The following TSHZ1 variants were observed in gnomAD, a reference collection of about 807,000 sequenced individuals.
The protein encoded by TSHZ1 is teashirt homolog 1.
A neutral mutation model predicts 67.1 loss-of-function variants in TSHZ1; 12 were observed. That is an observed-to-expected ratio of 0.18 (90% confidence interval 0.11 to 0.29). The LOEUF is 0.29. Ranked by LOEUF, TSHZ1 falls within the 10% of genes least tolerant of loss-of-function variation. The pLI, the probability that TSHZ1 is intolerant of heterozygous loss-of-function variation, is 1.00. For missense variants in TSHZ1, 1,305 were observed against 1,413.9 expected, an observed-to-expected ratio of 0.92 and a Z score of 1.23; for synonymous variants, 632 against 622.4, an observed-to-expected ratio of 1.02 and a Z score of -0.23.
chr18:75,285,559 C>A lies in TSHZ1; in HGVS notation c.152C>A (p.Thr51Lys). ...QESEYMCNEE[T>K]EIKEAQSYQN... Reference sequence around the variant, plus strand: ...AGTGAGTACATGTGCAATGAAGAGACGGAGATCAAAGAGGCGCAGAGCTAC... The same window carrying A: ...AGTGAGTACATGTGCAATGAAGAGAAGGAGATCAAAGAGGCGCAGAGCTAC... The change falls in exon 2 of 2, where the codon ACG becomes AAG. Residue 51 changes from threonine (T) to lysine (K), a missense_variant. This residue lies in a region of TSHZ1 where 358 missense variants were observed against 375.6 expected (regional missense o/e 0.95). Coordinates refer to ENST00000580243, the MANE Select transcript of TSHZ1 (RefSeq NM_001308210.2). The A allele has an allele frequency of 6.3e-7, 1 of 1,589,504 alleles. No homozygotes were observed. The highest frequency in any genetic ancestry group is 8.6e-7 in the Non-Finnish European group (1 of 1,162,974).
At chr18:75,222,534 G>C (rs1240825300) in intron 1 of TSHZ1, among the ~76,000 whole-genome samples, 1 of 152,004 alleles carries the variant, frequency 6.6e-6, no homozygotes, top group Non-Finnish European at 1.5e-5. Context: ...GAATGGGGTC[G>C]AGGGATGGTC....
intron 1 of TSHZ1, among the ~76,000 whole-genome samples, chr18:75,260,950 CA>C (rs2023422562): frequency 6.6e-6 from 1 of 152,068 alleles, no homozygotes; most frequent in Non-Finnish European, 1.5e-5. Context: ...GGACATTTCT[CA>C]ATCCATGGGA....
chr18:75,218,394 G>C (rs544899326), intron 1 of TSHZ1, among the ~76,000 whole-genome samples: 1 of 152,316 alleles, frequency 6.6e-6, no homozygotes, highest in East Asian at 1.9e-4. Context: ...TGTGCTAATC[G>C]ATAACTAGTG....
In TSHZ1 at chr18:75,286,506, C is replaced by T. The variant is rs1262731889; in HGVS notation, c.1099C>T (p.Pro367Ser). Reference protein sequence around the residue: ...QDLAPPCSPEPAGMAAEVALS... With the variant: ...QDLAPPCSPESAGMAAEVALS... ...CCTGGCGCCCCCCTGCTCCCCTGAG[C>T]CAGCAGGAATGGCCGCAGAGGTGGC... Residue 367 changes from proline (P) to serine (S), a missense_variant, in exon 2 of 2, where the codon CCA (proline) becomes TCA (serine). Pro to Ser is a moderately conservative substitution (Grantham distance 74). This residue lies in a region of TSHZ1 where 909 missense variants were observed against 961.8 expected (regional missense o/e 0.95). Coordinates refer to ENST00000580243, the MANE Select transcript of TSHZ1 (RefSeq NM_001308210.2). The surrounding 1 kb of genome is among the most constrained non-coding windows in gnomAD (Gnocchi z 5.1). 6.2e-7 allele frequency: 1 copy of T among 1,614,222 alleles called. No homozygotes were observed. The highest frequency in any genetic ancestry group is 1.3e-5 in the African/African-American group (1 of 75,070).
intron 1 of TSHZ1, among the ~76,000 whole-genome samples, chr18:75,215,859 C>T (rs1486663362): frequency 6.6e-6 from 1 of 152,170 alleles, no homozygotes; most frequent in Non-Finnish European, 1.5e-5. Context: ...CATGTATTTA[C>T]ATGTGTTCCT....
chr18:75,247,075 T>C (rs2023233480), intron 1 of TSHZ1, among the ~76,000 whole-genome samples: 1 of 152,242 alleles, frequency 6.6e-6, no homozygotes, highest in Admixed American at 6.5e-5. Context: ...CACCCAGATA[T>C]AATTTTCTGT....
chr18:75,231,548 T>C (rs1158189689), intron 1 of TSHZ1, among the ~76,000 whole-genome samples: 2 of 152,224 alleles, frequency 1.3e-5, no homozygotes, highest in East Asian at 3.8e-4. Flanking sequence ...TATTTATTTA[T>C]TTATTGATAC....
At chr18:75,224,850 T>C (rs879773297) in intron 1 of TSHZ1, among the ~76,000 whole-genome samples, 1 of 152,194 alleles carries the variant, frequency 6.6e-6, no homozygotes, top group Non-Finnish European at 1.5e-5. Context: ...AGCCTCAGTT[T>C]CCTTCTCTGT....
At chr18:75,251,493 G>GTTTT (rs3067027) in intron 1 of TSHZ1, among the ~76,000 whole-genome samples, 3,860 of 139,344 alleles carry the variant, frequency 0.028, 108 homozygotes, top group Admixed American at 0.078. Flanking sequence ...TTTCTTTAGG[G>GTTTT]TTTTTTTTTT....
In TSHZ1 at chr18:75,286,947, G is replaced by A. The variant is rs1208428607; in HGVS notation, c.1540G>A (p.Glu514Lys). The change falls in exon 2 of 2, where the codon GAG becomes AAG. Residue 514 changes from glutamate (E) to lysine (K), a missense_variant. Physicochemically the swap from Glu to Lys is moderately conservative, Grantham distance 56 (BLOSUM62 1). Transcript: ENST00000580243. This position sits in a 1 kb window ranked among gnomAD's most constrained non-coding sequence, Gnocchi z 5.1. ...GAAGCCGCCTGTGGCTGGCGACGCG[G>A]AGAAGATCAAGGAGGAGAGTGAGGA... ...KEKPPVAGDA[E>K]KIKEESEDSL... 3 of 1,614,182 alleles carry A rather than the reference G, an allele frequency of 1.9e-6. No homozygotes were observed. In the South Asian group the frequency reaches 3.3e-5, roughly 18 times the overall value.
chr18:75,258,524 C>A (rs1363622497), intron 1 of TSHZ1, among the ~76,000 whole-genome samples: 1 of 151,992 alleles, frequency 6.6e-6, no homozygotes, highest in Non-Finnish European at 1.5e-5. Flanking sequence ...ATAAAGATTT[C>A]TTTATTTGGG....
intron 1 of TSHZ1, among the ~76,000 whole-genome samples, chr18:75,223,415 C>T (rs1261628390): frequency 1.3e-5 from 2 of 152,094 alleles, no homozygotes; most frequent in South Asian, 2.1e-4. Context: ...CTGCAGGCAG[C>T]CTCCTCATTG....
At chr18:75,236,865 G>C (rs752008029) in intron 1 of TSHZ1, among the ~76,000 whole-genome samples, 1 of 152,154 alleles carries the variant, frequency 6.6e-6, no homozygotes, top group Non-Finnish European at 1.5e-5. Flanking sequence ...GATGTCATAA[G>C]GTTACAGGGT....
intron 1 of TSHZ1, among the ~76,000 whole-genome samples, chr18:75,265,089 C>A (rs1282564429): frequency 1.3e-5 from 2 of 152,168 alleles, no homozygotes; most frequent in Non-Finnish European, 2.9e-5. Flanking sequence ...TTGTTCAAAT[C>A]TTGGACCGTG....
Position 75,285,884 on chromosome 18 carries a change from A to G in TSHZ1, c.477A>G (p.Thr159=). ...AGGAGAGCTCCGCCCCCACCCCCAC[A>G]CCCCCCACCTGCCCCGTCAGCACCA... ...SQKESSAPTP[T]PPTCPVSTTG... Residue 159 remains threonine (T), a synonymous_variant, in exon 2 of 2, where the codon ACA becomes ACG. Transcript: ENST00000580243. 1.5e-6 allele frequency: 1 copy of G among 649,454 alleles called. No individual in the cohort carries two copies. Among genetic ancestry groups the G allele is most frequent in the Non-Finnish European group, 2.0e-6 (1 of 490,468 alleles). The allele number at this position is 649,454 out of a possible 1,614,324, so 40.2% of individuals were successfully genotyped here. A position where few individuals can be genotyped will look rare whatever the true frequency, so the allele number is the denominator to read the frequency against.
rs773462884 is a variant in TSHZ1 at position 75,286,544 on chromosome 18, A to G, written c.1137A>G (p.Ser379=). ...GMAAEVALSE[S]AKDQKAANPY... is the part of the protein sequence containing the mutation. Reference sequence around the variant, plus strand: ...CCGCAGAGGTGGCCCTGAGTGAGTCAGCCAAGGATCAGAAAGCAGCGAACC... The same window carrying G: ...CCGCAGAGGTGGCCCTGAGTGAGTCGGCCAAGGATCAGAAAGCAGCGAACC... Residue 379 remains serine (S), a synonymous_variant, in exon 2 of 2, where the codon TCA becomes TCG. Transcript: ENST00000580243. The surrounding 1 kb of genome is among the most constrained non-coding windows in gnomAD (Gnocchi z 5.1). 5.0e-6 allele frequency: 8 copies of G among 1,614,070 alleles called. No homozygotes were observed. The highest frequency in any genetic ancestry group is 4.4e-5 in the South Asian group (4 of 91,078).
intron 1 of TSHZ1, among the ~76,000 whole-genome samples, chr18:75,241,343 G>A (rs185306867): frequency 6.6e-6 from 1 of 152,298 alleles, no homozygotes; most frequent in East Asian, 1.9e-4. Flanking sequence ...CTTGTTGTGA[G>A]CTTGCAGTTC....
chr18:75,235,099 A>C (rs938662775), intron 1 of TSHZ1, among the ~76,000 whole-genome samples: 1 of 151,966 alleles, frequency 6.6e-6, no homozygotes. Context: ...GTTTCCATGC[A>C]TTACCTCCTG....
intron 1 of TSHZ1, among the ~76,000 whole-genome samples, chr18:75,246,689 C>A (rs1406765739): frequency 1.3e-5 from 2 of 151,936 alleles, no homozygotes; most frequent in Admixed American, 6.6e-5. Flanking sequence ...GGAAGAAAGC[C>A]TGTGGCCTTT....
Sources: gnomAD v4.1 joint callset for allele counts (sites outside exome capture counted in the v4.1 genomes callset) on GRCh38, gnomAD v4.1.1 for gene constraint, gnomAD v4.1.1 regional missense constraint, Gnocchi (gnomAD v3.1) non-coding constraint, MANE v1.5 for transcripts, NCBI Gene and HGNC (gene_info 2026-07-23, HGNC 2026-07-21) for gene names.